Variants in ITPK1 observed in about 807,000 individuals in gnomAD.
ITPK1 encodes the protein inositol 1,3,4-trisphosphate 5/6-kinase.
In ITPK1, 21 loss-of-function variants were observed where a neutral mutation model predicts 45.3. The ratio of observed to expected loss-of-function variants is 0.46; its 90% CI spans 0.33 to 0.67. The LOEUF is 0.67. Ranked by LOEUF, ITPK1 falls within the 30% of genes least tolerant of loss-of-function variation. The pLI is 0.02. For synonymous variants in ITPK1, 258 were observed against 253.6 expected, an observed-to-expected ratio of 1.02 and a Z score of -0.16; for missense variants, 474 against 573.5, an observed-to-expected ratio of 0.83 and a Z score of 1.77.
At chr14:92,994,087 T>A in intron 4 of ITPK1, 90 bp from the exon 5 acceptor site, 1 of 792,132 alleles carries the variant, frequency 1.3e-6, no homozygotes. Flanking sequence ...CATCCGTTCC[T>A]GTCCTATCCT....
chr14:92,953,126 A>G (rs1400739343), intron 8 of ITPK1, among the ~76,000 whole-genome samples: 2 of 152,228 alleles, frequency 1.3e-5, no homozygotes, highest in African/African-American at 4.8e-5. Context: ...GGCCATGCCA[A>G]TGGGGCACCT....
chr14:92,973,196 G>C (rs1251213380), intron 5 of ITPK1, among the ~76,000 whole-genome samples: 1 of 152,236 alleles, frequency 6.6e-6, no homozygotes, highest in Non-Finnish European at 1.5e-5. Context: ...TTTCATATAT[G>C]GGTTCTGATT....
At chr14:93,025,028 G>A (rs958875476) in intron 3 of ITPK1, among the ~76,000 whole-genome samples, 1 of 152,214 alleles carries the variant, frequency 6.6e-6, no homozygotes, top group Non-Finnish European at 1.5e-5. Context: ...ACTTGCCCCA[G>A]TTCCAGGAGA....
chr14:93,108,748 C>G (rs1345713695), intron 2 of ITPK1, among the ~76,000 whole-genome samples: 2 of 152,328 alleles, frequency 1.3e-5, no homozygotes, highest in East Asian at 3.9e-4. Context: ...CGTAGTGGCT[C>G]ACACCTGTAA....
intron 3 of ITPK1, among the ~76,000 whole-genome samples, chr14:93,039,160 A>T (rs1408992063): frequency 6.6e-6 from 1 of 152,050 alleles, no homozygotes; most frequent in East Asian, 1.9e-4. Flanking sequence ...CTTTCCTACT[A>T]AACGATGCCC....
intron 4 of ITPK1, among the ~76,000 whole-genome samples, chr14:93,004,525 C>T (rs1422504672): frequency 2.6e-5 from 4 of 151,988 alleles, no homozygotes; most frequent in Admixed American, 2.0e-4. Context: ...CTGAGAAGCA[C>T]GTGTATGTGG....
chr14:92,963,555 T>A (rs1885196646), intron 5 of ITPK1, among the ~76,000 whole-genome samples: 1 of 152,234 alleles, frequency 6.6e-6, no homozygotes. Context: ...CTCTGCTGCA[T>A]GCTCCAGCCC....
rs1032460350 is a variant in ITPK1 at position 92,942,104 on chromosome 14, G to A, written c.902-200C>T. ...AAAAAGCTTGGACGCCCAACCAGGT[G>A]CGTGCTCCTCGACCTTCAGCTGTTG... On this transcript the variant is annotated intron_variant, in intron 10 of 10. Coordinates refer to ENST00000267615, the MANE Select transcript of ITPK1 (RefSeq NM_014216.6). Among the ~76,000 whole-genome samples, 5 of 152,324 alleles carry A rather than the reference G, an allele frequency of 3.3e-5. No individual in the cohort carries two copies. The East Asian group carries it at 9.6e-4, about 29-fold the overall frequency.
chr14:93,090,891 C>T (rs1375214669), intron 2 of ITPK1, among the ~76,000 whole-genome samples: 2 of 152,184 alleles, frequency 1.3e-5, no homozygotes, highest in African/African-American at 4.8e-5. Context: ...CACCAACCTG[C>T]GCCTCCAGTC....
At position 93,012,012 on chromosome 14, in the gene ITPK1, G is replaced by A. The variant is rs1045437821; in HGVS notation, c.246+4664C>T. 8.6e-5 allele frequency among the ~76,000 whole-genome samples: 13 copies of A among 152,036 alleles called. No individual in the cohort carries two copies. The highest frequency in any genetic ancestry group is 3.1e-4 in the African/African-American group (13 of 41,398). On this transcript the variant is annotated intron_variant, in intron 4 of 10. Transcript: ENST00000267615. The surrounding 1 kb of genome is among the most constrained non-coding windows in gnomAD (Gnocchi z 4.9). ...TCGCCGCACATGCCCATCAGGCAGC[G>A]CCATCTGCCTCATTAACGCTCCTGG...
intron 2 of ITPK1, among the ~76,000 whole-genome samples, chr14:93,082,631 T>C (rs549433820): frequency 6.6e-6 from 1 of 152,270 alleles, no homozygotes; most frequent in South Asian, 2.1e-4. Context: ...AACTGCCTCC[T>C]CCAGTCCACA....
rs917878406 is a variant in ITPK1, at chr14:93,014,942, C to T, written c.246+1734G>A. ...CAGCAAGAGATGCACCATCCCTGCC[C>T]CAAAGGTCTGCGTGGCAGCCCAGGC... On this transcript the variant is annotated intron_variant, in intron 4 of 10. Coordinates refer to ENST00000267615, the MANE Select transcript of ITPK1 (RefSeq NM_014216.6). The surrounding 1 kb of genome is among the most constrained non-coding windows in gnomAD (Gnocchi z 4.4). 7.2e-5 allele frequency among the ~76,000 whole-genome samples: 11 copies of T among 152,226 alleles called. No homozygotes were observed. Among genetic ancestry groups the T allele is most frequent in the African/African-American group, 2.7e-4 (11 of 41,452 alleles).
intron 2 of ITPK1, among the ~76,000 whole-genome samples, chr14:93,112,679 C>A (rs1160344696): frequency 1.3e-5 from 2 of 151,858 alleles, no homozygotes; most frequent in African/African-American, 4.8e-5. Context: ...ACCTCGTGAC[C>A]CACCCACCTT....
At chr14:93,040,323 G>C (rs760389852) in intron 3 of ITPK1, among the ~76,000 whole-genome samples, 2 of 152,162 alleles carry the variant, frequency 1.3e-5, no homozygotes, top group Admixed American at 6.5e-5. Flanking sequence ...GCAGGGCCTC[G>C]GCCCAATGTC....
chr14:92,969,923 C>T (rs1295764355), intron 5 of ITPK1, among the ~76,000 whole-genome samples: 2 of 152,010 alleles, frequency 1.3e-5, no homozygotes, highest in East Asian at 1.9e-4. Context: ...CACCATGAAG[C>T]GGGAGGGCAC....
At chr14:93,073,041 C>T (rs371778074) in intron 3 of ITPK1, among the ~76,000 whole-genome samples, 7 of 152,364 alleles carry the variant, frequency 4.6e-5, no homozygotes, top group African/African-American at 1.2e-4. Flanking sequence ...GTCTCACACT[C>T]GGTCAGGTCT....
chr14:93,040,643 C>G (rs1270735409), intron 3 of ITPK1, among the ~76,000 whole-genome samples: 1 of 152,208 alleles, frequency 6.6e-6, no homozygotes, highest in Non-Finnish European at 1.5e-5. Flanking sequence ...GGTGAGCTCC[C>G]AGCCTTCTCT....
intron 3 of ITPK1, among the ~76,000 whole-genome samples, chr14:93,033,665 G>A (rs986518727): frequency 2.6e-5 from 4 of 152,200 alleles, no homozygotes; most frequent in East Asian, 1.9e-4. Flanking sequence ...TAAGAGGTAC[G>A]TGTCTAAGGA....
rs187459870 is a variant in ITPK1, at chr14:93,015,747, G to A, written c.246+929C>T. Among the ~76,000 whole-genome samples, 546 of 152,362 alleles carry A rather than the reference G, an allele frequency of 3.6e-3. 1 individual carries two copies. The highest frequency in any genetic ancestry group is 9.2e-3 in the Admixed American group (141 of 15,308). On this transcript the variant is annotated intron_variant, in intron 4 of 10. Coordinates refer to ENST00000267615, the MANE Select transcript of ITPK1 (RefSeq NM_014216.6). ...TGCAGCAGGGAGTTGGCCAAGGAAC[G>A]GGGTGAGAGCCCCAAGGAAGCAAGG...
Sources: allele counts gnomAD v4.1 joint callset (sites outside exome capture counted in the v4.1 genomes callset), GRCh38; gene constraint gnomAD v4.1.1; non-coding constraint Gnocchi (gnomAD v3.1); transcripts MANE v1.5; gene names NCBI Gene and HGNC (gene_info 2026-07-23, HGNC 2026-07-21).